Variants in PMEPA1 observed in about 807,000 individuals in gnomAD.
PMEPA1 encodes protein TMEPAI.
PMEPA1 carries 11 observed loss-of-function variants against 23.0 expected under a neutral mutation model. The observed-to-expected ratio is 0.48, with a 90% CI of 0.30 to 0.79. The LOEUF is 0.79. PMEPA1 is among the 30% of genes least tolerant of loss of function. The pLI is 0.06. For synonymous variants in PMEPA1, 204 were observed against 166.4 expected, an observed-to-expected ratio of 1.23 and a Z score of -1.74; for missense variants, 377 against 390.9, an observed-to-expected ratio of 0.96 and a Z score of 0.30.
At chr20:57,695,077 C>T (rs1252329679) in intron 1 of PMEPA1, among the ~76,000 whole-genome samples, 1 of 152,254 alleles carries the variant, frequency 6.6e-6, no homozygotes, top group African/African-American at 2.4e-5. Flanking sequence ...ACACGAAGCT[C>T]CACACTGAGG....
chr20:57,700,136 T>C (rs1238134189), intron 1 of PMEPA1: 5 of 471,332 alleles, frequency 1.1e-5, no homozygotes, highest in African/African-American at 1.0e-4. Context: ...CAGCAGAGAC[T>C]CTTCCACTCC....
At chr20:57,672,771 G>A (rs539865555) in intron 1 of PMEPA1, among the ~76,000 whole-genome samples, 1 of 152,306 alleles carries the variant, frequency 6.6e-6, no homozygotes, top group South Asian at 2.1e-4. Context: ...ATCCAATTCA[G>A]TAAACACTCA....
In PMEPA1 at chr20:57,655,408, T is replaced by C. The variant is rs2071313083; in HGVS notation, c.265-2322A>G. Among the ~76,000 whole-genome samples, 1 of 152,232 alleles carries C rather than the reference T, an allele frequency of 6.6e-6. No individual in the cohort carries two copies. The highest frequency in any genetic ancestry group is 2.1e-4 in the South Asian group (1 of 4,828). Reference sequence around the variant, plus strand: ...GCCTATTCAGGGGTCTCACTCGCCCTGCAGGAGCTGCTACCGTTTCCCCAG... The same window carrying C: ...GCCTATTCAGGGGTCTCACTCGCCCCGCAGGAGCTGCTACCGTTTCCCCAG... On this transcript the variant is annotated intron_variant, in intron 2 of 3. Coordinates refer to ENST00000341744, the MANE Select transcript of PMEPA1 (RefSeq NM_020182.5). This position sits in a 1 kb window ranked among gnomAD's most constrained non-coding sequence, Gnocchi z 4.2.
intron 1 of PMEPA1, among the ~76,000 whole-genome samples, chr20:57,688,107 C>A (rs571022456): frequency 6.6e-6 from 1 of 152,178 alleles, no homozygotes; most frequent in Non-Finnish European, 1.5e-5. Flanking sequence ...CGCCTCGGGA[C>A]GGCCTCAGCT....
intron 1 of PMEPA1, among the ~76,000 whole-genome samples, chr20:57,663,007 A>C (rs1373967693): frequency 6.6e-6 from 1 of 152,174 alleles, no homozygotes. Flanking sequence ...GCTCGGCCCC[A>C]GGGGCAGGGG....
At chr20:57,692,850 G>A (rs2146699797) in intron 1 of PMEPA1, among the ~76,000 whole-genome samples, 1 of 152,370 alleles carries the variant, frequency 6.6e-6, no homozygotes, top group South Asian at 2.1e-4. Context: ...TCAGGGAGCA[G>A]GGGGCTGCCT....
In PMEPA1 at chr20:57,663,938, T is replaced by C. The variant is rs78883082; in HGVS notation, c.110-4241A>G. On this transcript the variant is annotated intron_variant, in intron 1 of 3. Coordinates refer to ENST00000341744, the MANE Select transcript of PMEPA1 (RefSeq NM_020182.5). ...GGAAGGCTGGTCAGGCACAGCAGCA[T>C]TGGGGCCCACAAACAGGTCCAACGA... Among the ~76,000 whole-genome samples the C allele has an allele frequency of 1.6e-3, 246 of 152,326 alleles. 4 individuals are homozygous for C. In the East Asian group the frequency reaches 0.04, roughly 25 times the overall value.
Position 57,683,716 on chromosome 20 carries a change from C to T in PMEPA1, c.110-24019G>A, listed in dbSNP as rs1364395145. 6.6e-6 allele frequency among the ~76,000 whole-genome samples: 1 copy of T among 152,058 alleles called. No homozygotes were observed. The highest frequency in any genetic ancestry group is 1.5e-5 in the Non-Finnish European group (1 of 68,010). ...TGAAATATTACAAGCACAGTCACCC[C>T]ACTTCCCCACTCCGCGGGGAAATTT... is the stretch of plus-strand genomic sequence containing the variant. On this transcript the variant is annotated intron_variant, in intron 1 of 3. Coordinates refer to ENST00000341744, the MANE Select transcript of PMEPA1 (RefSeq NM_020182.5). The surrounding 1 kb of genome is among the most constrained non-coding windows in gnomAD (Gnocchi z 4.3).
intron 1 of PMEPA1, among the ~76,000 whole-genome samples, chr20:57,690,186 A>G (rs1318218107): frequency 6.6e-6 from 1 of 152,222 alleles, no homozygotes; most frequent in Non-Finnish European, 1.5e-5. Context: ...TGCCTCTGCC[A>G]GCTGGGCTGA....
intron 1 of PMEPA1, among the ~76,000 whole-genome samples, chr20:57,692,197 T>A (rs1555882883): frequency 1.3e-5 from 2 of 152,216 alleles, no homozygotes. Context: ...CCCTGTGTAG[T>A]GGGTGCCTAT....
At chr20:57,654,656 C>T (rs1175251415) in intron 2 of PMEPA1, among the ~76,000 whole-genome samples, 1 of 152,184 alleles carries the variant, frequency 6.6e-6, no homozygotes, top group Non-Finnish European at 1.5e-5. Flanking sequence ...TCTCACTTCT[C>T]CTTCTATTAG....
chr20:57,677,222 TG>T (rs2071649192), intron 1 of PMEPA1, among the ~76,000 whole-genome samples: 1 of 152,198 alleles, frequency 6.6e-6, no homozygotes, highest in South Asian at 2.1e-4. Flanking sequence ...ATTCTGGCTG[TG>T]GGAGCAGCTG....
upstream of PMEPA1, chr20:57,710,269 G>C: frequency 1.6e-6 from 1 of 613,104 alleles, no homozygotes. Flanking sequence ...GCGCACGCCC[G>C]GGGCCGGGGA....
At chr20:57,689,922 T>A (rs2146695331) in intron 1 of PMEPA1, among the ~76,000 whole-genome samples, 1 of 152,184 alleles carries the variant, frequency 6.6e-6, no homozygotes, top group Admixed American at 6.5e-5. Flanking sequence ...CTGACGTGGG[T>A]CCCAGGGGCC....
intron 1 of PMEPA1, among the ~76,000 whole-genome samples, chr20:57,661,623 C>A (rs1469677232): frequency 2.6e-5 from 4 of 152,144 alleles, no homozygotes; most frequent in African/African-American, 9.7e-5. Flanking sequence ...TCGGGGTGGG[C>A]AGGTGTCAGG....
chr20:57,677,551 C>T (rs2071655018), intron 1 of PMEPA1, among the ~76,000 whole-genome samples: 1 of 152,154 alleles, frequency 6.6e-6, no homozygotes, highest in South Asian at 2.1e-4. Context: ...TGTCCATTCC[C>T]CAGCACTCGC....
intron 2 of PMEPA1, among the ~76,000 whole-genome samples, 178 bp downstream of exon 2, chr20:57,659,365 C>T (rs555655123): frequency 7.2e-5 from 11 of 152,338 alleles, no homozygotes; most frequent in African/African-American, 1.4e-4. Flanking sequence ...GCCCGCCTGG[C>T]GGGTGCTTTC....
At chr20:57,687,007 T>C (rs1190677159) in intron 1 of PMEPA1, among the ~76,000 whole-genome samples, 1 of 152,244 alleles carries the variant, frequency 6.6e-6, no homozygotes, top group African/African-American at 2.4e-5. Flanking sequence ...ATTTCTGTTT[T>C]TGGTTTCCGC....
At chr20:57,663,310 A>G (rs73302944) in intron 1 of PMEPA1, among the ~76,000 whole-genome samples, 3,263 of 152,128 alleles carry the variant, frequency 0.021, 101 homozygotes, top group African/African-American at 0.067. Flanking sequence ...CCTGGAGAGG[A>G]GCAGGGTGGT....
Sources: allele counts gnomAD v4.1 joint callset (sites outside exome capture counted in the v4.1 genomes callset), GRCh38; gene constraint gnomAD v4.1.1; non-coding constraint Gnocchi (gnomAD v3.1); transcripts MANE v1.5; gene names NCBI Gene and HGNC (gene_info 2026-07-23, HGNC 2026-07-21).